The following CHID1 variants were observed in gnomAD, a reference collection of about 807,000 sequenced individuals.
The protein encoded by CHID1 is chitinase domain-containing protein 1.
CHID1 carries 44 observed loss-of-function variants against 55.4 expected under a neutral mutation model. The observed-to-expected ratio is 0.79, with a 90% CI of 0.62 to 1.02. The LOEUF is 1.02. Among genes scored for constraint, CHID1 ranks in the 50% least tolerant of loss-of-function variants. CHID1 has a pLI of 0.00. For synonymous variants in CHID1, 216 were observed against 212.9 expected, an observed-to-expected ratio of 1.01 and a Z score of -0.13; for missense variants, 491 against 515.3, an observed-to-expected ratio of 0.95 and a Z score of 0.46.
intron 10 of CHID1, among the ~76,000 whole-genome samples, chr11:877,692 T>A (rs1252427387): frequency 2.0e-5 from 3 of 150,472 alleles, no homozygotes; most frequent in African/African-American, 7.4e-5. Flanking sequence ...TCTGCAAAAT[T>A]CACACTGAAA....
chr11:901,653 T>C (rs889215252), intron 4 of CHID1, among the ~76,000 whole-genome samples: 5 of 152,102 alleles, frequency 3.3e-5, no homozygotes, highest in African/African-American at 1.2e-4. Context: ...GCCTGAGTCA[T>C]TGTAGAGCCT....
intron 1 of CHID1, among the ~76,000 whole-genome samples, chr11:909,469 G>A (rs768498682): frequency 7.2e-5 from 11 of 152,218 alleles, no homozygotes; most frequent in Non-Finnish European, 1.3e-4. Context: ...CTCCCAGTCC[G>A]TAGGTCCAGG....
intron 8 of CHID1, 98 bp from the exon 9 acceptor site, chr11:884,267 C>A (rs1850233174): frequency 1.2e-6 from 1 of 838,510 alleles, no homozygotes; most frequent in South Asian, 1.6e-5. Flanking sequence ...GGACTTGGGT[C>A]ACTTTTCCCA....
intron 10 of CHID1, among the ~76,000 whole-genome samples, chr11:876,567 C>T (rs533295570): frequency 2.0e-5 from 3 of 152,326 alleles, no homozygotes; most frequent in Admixed American, 2.0e-4. Context: ...TGGTGGCTGT[C>T]AGGCATCACA....
upstream of CHID1, among the ~76,000 whole-genome samples, chr11:914,122 G>A (rs1852832688): frequency 6.6e-6 from 1 of 151,962 alleles, no homozygotes; most frequent in African/African-American, 2.4e-5. Flanking sequence ...GGAATAATAG[G>A]GGGTTTGTAA....
At chr11:909,390 C>T (rs964377609) in intron 1 of CHID1, among the ~76,000 whole-genome samples, 1 of 152,242 alleles carries the variant, frequency 6.6e-6, no homozygotes, top group Non-Finnish European at 1.5e-5. Flanking sequence ...ACCCTGGTCA[C>T]CCAAAGGGGT....
chr11:884,265 G>T, intron 8 of CHID1, 96 bp from the exon 9 acceptor site: 1 of 869,044 alleles, frequency 1.2e-6, no homozygotes, highest in Non-Finnish European at 1.8e-6. Flanking sequence ...GGGGACTTGG[G>T]TCACTTTTCC....
chr11:884,681 G>A (rs1589843844), intron 8 of CHID1, among the ~76,000 whole-genome samples: 2 of 152,354 alleles, frequency 1.3e-5, no homozygotes, highest in South Asian at 4.1e-4. Context: ...GACCTCAGCA[G>A]GTAGACGGGA....
At chr11:870,192 C>T (rs1251964473) in intron 11 of CHID1, 29 bp from the exon 12 acceptor site, 1 of 1,613,148 alleles carries the variant, frequency 6.2e-7, no homozygotes, top group Admixed American at 1.7e-5. Flanking sequence ...GTCAGCCCAT[C>T]CGCTCTGCTG....
intron 10 of CHID1, among the ~76,000 whole-genome samples, chr11:873,090 G>C (rs1565160439): frequency 6.6e-6 from 1 of 152,170 alleles, no homozygotes; most frequent in Non-Finnish European, 1.5e-5. Flanking sequence ...GGAGAAGCTG[G>C]AGCCCAGGTG....
At chr11:896,351 G>A (rs1851286441) in intron 7 of CHID1, among the ~76,000 whole-genome samples, 1 of 127,430 alleles carries the variant, frequency 7.8e-6, no homozygotes, top group African/African-American at 3.3e-5. Flanking sequence ...GGGTGTCTCA[G>A]CACCCCCAGC....
intron 8 of CHID1, among the ~76,000 whole-genome samples, chr11:886,660 A>C (rs888736703): frequency 6.6e-6 from 1 of 152,232 alleles, no homozygotes; most frequent in Admixed American, 6.5e-5. Context: ...AGGACACAGC[A>C]AAAAGGTGCC....
At chr11:910,939 G>T (rs1852637256), upstream of CHID1, 1 of 371,968 alleles carries the variant, frequency 2.7e-6, no homozygotes, top group Non-Finnish European at 3.6e-6. Flanking sequence ...CCCGAAAGTC[G>T]GGGCCGGGGC....
At chr11:897,031 G>A (rs56303501) in intron 7 of CHID1, among the ~76,000 whole-genome samples, 1 of 32,372 alleles carries the variant, frequency 3.1e-5, no homozygotes, top group Non-Finnish European at 5.8e-5. Flanking sequence ...GCCTCCACCC[G>A]ACACAACGAG....
chr11:888,702 T>C (rs1206890364), intron 8 of CHID1, among the ~76,000 whole-genome samples: 4 of 152,166 alleles, frequency 2.6e-5, no homozygotes, highest in African/African-American at 7.2e-5. Flanking sequence ...CCCATCGCCA[T>C]GTCGTGGGTG....
intron 10 of CHID1, among the ~76,000 whole-genome samples, chr11:873,480 G>A (rs1358879347): frequency 1.3e-5 from 2 of 152,144 alleles, no homozygotes; most frequent in South Asian, 4.1e-4. Context: ...TGGGGAGCGA[G>A]CGAGGGGCCT....
intron 8 of CHID1, among the ~76,000 whole-genome samples, chr11:887,407 T>C (rs1850482647): frequency 1.3e-5 from 2 of 152,192 alleles, no homozygotes; most frequent in South Asian, 4.1e-4. Context: ...TGGTCAGTGG[T>C]GTGGGCAGCA....
At chr11:883,489 G>A (rs969643825) in intron 9 of CHID1, among the ~76,000 whole-genome samples, 186 bp from the exon 10 acceptor site, 9 of 151,734 alleles carry the variant, frequency 5.9e-5, no homozygotes, top group East Asian at 3.9e-4. Flanking sequence ...GGGACGTCAC[G>A]TCCAGGGCCA....
intron 10 of CHID1, among the ~76,000 whole-genome samples, chr11:877,939 A>C (rs1384696673): frequency 6.6e-6 from 1 of 152,200 alleles, no homozygotes; most frequent in Non-Finnish European, 1.5e-5. Flanking sequence ...CTAGTGGGTT[A>C]ATGGACCAGT....
Sources: allele counts gnomAD v4.1 joint callset (sites outside exome capture counted in the v4.1 genomes callset), GRCh38; gene constraint gnomAD v4.1.1; transcripts MANE v1.5; gene names NCBI Gene and HGNC (gene_info 2026-07-23, HGNC 2026-07-21).